LMF1: variants seen among roughly 807,000 people sequenced by gnomAD.
LMF1 encodes the protein transmembrane protein 112.
LMF1 carries 68 observed loss-of-function variants against 60.6 expected under a neutral mutation model. The ratio of observed to expected loss-of-function variants is 1.12; its 90% CI spans 0.92 to 1.37. LMF1 has a LOEUF of 1.37. LMF1 is among the 40% of genes most tolerant of loss of function. The pLI is 0.00. For missense variants in LMF1, 948 were observed against 767.2 expected (o/e 1.24, Z -2.78); for synonymous variants, 418 against 324.7 (o/e 1.29, Z -3.09).
At chr16:979,977 G>C (rs1049807663) in intron 1 of LMF1, 1 of 347,520 alleles carries the variant, frequency 2.9e-6, no homozygotes, top group South Asian at 2.2e-5. Flanking sequence ...GCAGACGGAG[G>C]TGTGGGTCTT....
chr16:934,295 T>C, intron 2 of LMF1, 41 bp from the exon 3 acceptor site: 1 of 1,598,654 alleles, frequency 6.3e-7, no homozygotes. Flanking sequence ...CACTTTGGCT[T>C]GTTTCAACCA....
At chr16:967,162 C>T (rs940620306) in intron 1 of LMF1, among the ~76,000 whole-genome samples, 1 of 152,160 alleles carries the variant, frequency 6.6e-6, no homozygotes, top group African/African-American at 2.4e-5. Flanking sequence ...TGCCTGTGGC[C>T]GCCCATGGAC....
chr16:934,441 G>T, intron 2 of LMF1, 187 bp from the exon 3 acceptor site: 1 of 657,552 alleles, frequency 1.5e-6, no homozygotes, highest in Non-Finnish European at 2.6e-6. Context: ...TCACACACAG[G>T]CAGGCCCAGA....
At chr16:942,036 T>A (rs1046868160) in intron 2 of LMF1, among the ~76,000 whole-genome samples, 1 of 152,266 alleles carries the variant, frequency 6.6e-6, no homozygotes, top group Non-Finnish European at 1.5e-5. Flanking sequence ...AATAATTCTT[T>A]CTGCCAAGCA....
intron 1 of LMF1, 94 bp from the exon 2 acceptor site, chr16:954,760 G>T: frequency 8.4e-7 from 1 of 1,187,234 alleles, no homozygotes; most frequent in African/African-American, 1.5e-5. Flanking sequence ...AGGCAGGCGG[G>T]AAGGGGAGGC....
intron 3 of LMF1, among the ~76,000 whole-genome samples, chr16:919,619 G>T (rs959627802): frequency 6.0e-5 from 4 of 66,648 alleles, no homozygotes. Context: ...GCAGTCTCAT[G>T]TGGGTCACTC....
chr16:891,580 G>A (rs35723247), intron 5 of LMF1, among the ~76,000 whole-genome samples: 3,344 of 152,284 alleles, frequency 0.022, 75 homozygotes, highest in African/African-American at 0.043. Flanking sequence ...GAGACAAGGG[G>A]TCCACCCAGC....
chr16:902,716 AC>A (rs2070852222), intron 4 of LMF1: 1 of 129,960 alleles, frequency 7.7e-6, no homozygotes, highest in Non-Finnish European at 1.6e-5. Flanking sequence ...CGTGGTGGTG[AC>A]CTCTGCACTG....
In LMF1 at chr16:854,506, T is replaced by A. The variant is rs773761825; in HGVS notation, c.*26A>T. 93 of 1,596,056 alleles carry A rather than the reference T, an allele frequency of 5.8e-5. 1 individual carries two copies. The South Asian group carries it at 1.0e-3, about 18-fold the overall frequency. On this transcript the variant is annotated 3_prime_UTR_variant, in exon 11 of 11. Coordinates refer to ENST00000262301, the MANE Select transcript of LMF1 (RefSeq NM_022773.4). ...GTTGCTGAGCCGCCGAGGGGCTGGG[T>A]CTTCGCCTTTATTTCTGGTGCACGT...
At chr16:969,490 C>T (rs561820070) in intron 1 of LMF1, among the ~76,000 whole-genome samples, 1 of 152,336 alleles carries the variant, frequency 6.6e-6, no homozygotes, top group East Asian at 1.9e-4. Context: ...AAACGTCGAA[C>T]TGAGCATCAC....
chr16:918,545 C>T (rs1044461485), intron 3 of LMF1, among the ~76,000 whole-genome samples: 2 of 152,180 alleles, frequency 1.3e-5, no homozygotes, highest in African/African-American at 2.4e-5. Flanking sequence ...TTTTGTGTCC[C>T]GGGCATGAAA....
chr16:934,335 C>A, intron 2 of LMF1, 81 bp from the exon 3 acceptor site: 1 of 1,553,502 alleles, frequency 6.4e-7, no homozygotes, highest in Non-Finnish European at 8.8e-7. Flanking sequence ...CTGAGTGAAG[C>A]CCACCCTGGC....
upstream of LMF1, chr16:981,301 TGTGAGAGAGAGAGA>T (rs1414185425): frequency 6.3e-5 from 21 of 330,796 alleles, no homozygotes; most frequent in Middle Eastern, 7.3e-4. Flanking sequence ...TGTGTGTGTG[TGTGAGAGAGAGAGA>T]GAGAGAGAGA....
intron 3 of LMF1, among the ~76,000 whole-genome samples, chr16:911,648 TG>T (rs1179419679): frequency 2.4e-4 from 8 of 33,900 alleles, no homozygotes; most frequent in Admixed American, 5.2e-4. Flanking sequence ...GAGGCAGCAA[TG>T]GGGGGGCAGC....
At chr16:867,811 C>A (rs1340274234) in intron 10 of LMF1, among the ~76,000 whole-genome samples, 1 of 152,142 alleles carries the variant, frequency 6.6e-6, no homozygotes, top group African/African-American at 2.4e-5. Context: ...GGGAAGCAGC[C>A]CTGGAAGCAT....
Position 970,842 on chromosome 16 carries a change from C to T in LMF1, c.139G>A (p.Gly47Ser). 6.4e-7 allele frequency: 1 copy of T among 1,553,580 alleles called. No homozygotes were observed. Among genetic ancestry groups the T allele is most frequent in the Non-Finnish European group, 8.7e-7 (1 of 1,150,382 alleles). Residue 47 changes from glycine (G) to serine (S), a missense_variant, in exon 1 of 11, where the codon GGC (glycine) becomes AGC (serine). By Grantham distance (56) the Gly-to-Ser change is moderately conservative. Transcript: ENST00000262301. ...ACGATCCGGGTCAGCCAGAAGGTGC[C>T]CGTGTGGAGATGGGCCGGAGAGCCT... ...PAGSPAHLHT[G>S]TFWLTRIVLL...
intron 4 of LMF1, chr16:893,490 G>C (rs1017568177): frequency 6.9e-6 from 3 of 434,142 alleles, no homozygotes; most frequent in Admixed American, 4.8e-5. Context: ...GGAGCACCCA[G>C]TGCACACGCG....
intron 2 of LMF1, among the ~76,000 whole-genome samples, chr16:940,193 G>A (rs1325496543): frequency 6.6e-6 from 1 of 152,164 alleles, no homozygotes; most frequent in African/African-American, 2.4e-5. Flanking sequence ...ATAGAGACTT[G>A]GGTGGAACTG....
At chr16:892,713 G>A (rs1335840954) in intron 5 of LMF1, among the ~76,000 whole-genome samples, 1 of 152,202 alleles carries the variant, frequency 6.6e-6, no homozygotes, top group African/African-American at 2.4e-5. Context: ...AGGAGGGGCC[G>A]GCCCGGAGGC....
Sources: allele counts gnomAD v4.1 joint callset (sites outside exome capture counted in the v4.1 genomes callset), GRCh38; gene constraint gnomAD v4.1.1; transcripts MANE v1.5; gene names NCBI Gene and HGNC (gene_info 2026-07-23, HGNC 2026-07-21).